Variants in RNF19B observed in about 807,000 individuals in gnomAD.
RNF19B encodes E3 ubiquitin-protein ligase RNF19B.
RNF19B carries 23 observed loss-of-function variants against 65.5 expected under a neutral mutation model. The observed-to-expected ratio is 0.35, with a 90% CI of 0.25 to 0.50. RNF19B has a LOEUF of 0.50. Among genes scored for constraint, RNF19B ranks in the 20% least tolerant of loss-of-function variants. RNF19B has a pLI of 0.98. For synonymous variants in RNF19B, 372 were observed against 379.6 expected, an observed-to-expected ratio of 0.98 and a Z score of 0.23; for missense variants, 794 against 980.0, an observed-to-expected ratio of 0.81 and a Z score of 2.53.
chr1:32,930,916 C>T, the RNF19B span, among the ~76,000 whole-genome samples: 1 of 152,074 alleles, frequency 6.6e-6, no homozygotes, highest in East Asian at 1.9e-4. Context: ...GGTGAAACCC[C>T]ACCTCTAGTA....
chr1:32,961,392 C>T (rs1445100275), intron 1 of RNF19B, among the ~76,000 whole-genome samples: 1 of 152,170 alleles, frequency 6.6e-6, no homozygotes, highest in African/African-American at 2.4e-5. Context: ...GGAATATTGG[C>T]ATTGGTTGGA....
intron 1 of RNF19B, among the ~76,000 whole-genome samples, chr1:32,951,841 A>AG (rs1642507273): frequency 6.6e-6 from 1 of 151,164 alleles, no homozygotes; most frequent in Non-Finnish European, 1.5e-5. Context: ...TATATCGCCC[A>AG]GGATGGAGCG....
At chr1:32,929,311 C>A in the RNF19B span, among the ~76,000 whole-genome samples, 1 of 152,190 alleles carries the variant, frequency 6.6e-6, no homozygotes, top group Non-Finnish European at 1.5e-5. Context: ...GGGGGCCACC[C>A]TATGCCAATA....
At position 32,938,450 on chromosome 1, in the gene RNF19B, T is replaced by C. The variant is rs139001538; in HGVS notation, c.1689A>G (p.Ala563=). The C allele has an allele frequency of 2.5e-5, 40 of 1,614,168 alleles. No individual in the cohort carries two copies. In the African/African-American group the frequency reaches 3.5e-4, roughly 14 times the overall value. The change falls in exon 8 of 9, where the codon GCA becomes GCG. Residue 563 remains alanine (A), a synonymous_variant. Coordinates refer to ENST00000235150, the MANE Select transcript of RNF19B (RefSeq NM_001300826.2). ...TGGAACCGGCCATAGCACGAGTGCT[T>C]GCGTTGTCACTAATTGCACCAAGAC... ...TASLGAISDN[A]STRAMAGSII... is the part of the protein sequence containing the mutation.
At chr1:32,930,755 G>A in the RNF19B span, among the ~76,000 whole-genome samples, 208 of 152,186 alleles carry the variant, frequency 1.4e-3, 2 homozygotes, top group African/African-American at 4.9e-3. Flanking sequence ...TCTCTGTATA[G>A]GCCACTTTTA....
Position 32,945,536 on chromosome 1 carries a change from T to G in RNF19B, c.1239A>C (p.Pro413=). Residue 413 remains proline (P), a synonymous_variant, in exon 5 of 9, where the codon CCA becomes CCC. Transcript: ENST00000235150. ...TACCAACACTAACTGCAGCAATAAC[T>G]GGGGATGCAATGACCGACAAAGTCA... ...GGVTLSVIAS[P]VIAAVSVGIG... is the part of the protein sequence containing the mutation. 1 of 1,612,216 alleles carries G rather than the reference T, an allele frequency of 6.2e-7. No homozygotes were observed. Among genetic ancestry groups the G allele is most frequent in the Non-Finnish European group, 8.5e-7 (1 of 1,178,346 alleles).
chr1:32,933,049 T>C (rs3845501), downstream of RNF19B, among the ~76,000 whole-genome samples: 91 of 152,334 alleles, frequency 6.0e-4, no homozygotes, highest in African/African-American at 2.1e-3. Flanking sequence ...CTGTCTTCCC[T>C]GTTTTTCTTC....
At position 32,949,593 on chromosome 1, in the gene RNF19B, T is replaced by G. The variant is rs747090109; in HGVS notation, c.817A>C (p.Ser273Arg). ...RVRTKHTSGL[S>R]YGQESGPDDI... The stretch of plus-strand genomic sequence containing the variant: ...CCTGGTCCAGATTCTTGCCCATAAC[T>G]GAGACCTGAAGTGTGTTTGGTCCGA... Residue 273 changes from serine to arginine, a missense_variant, in exon 2 of 9, where the codon AGT becomes CGT. Physicochemically the swap from Ser to Arg is moderately radical, Grantham distance 110. Transcript: ENST00000235150. The G allele has an allele frequency of 1.4e-5, 22 of 1,614,020 alleles. No homozygotes were observed. Among genetic ancestry groups the G allele is most frequent in the Non-Finnish European group, 1.7e-5 (20 of 1,179,986 alleles).
chr1:32,933,316 G>T (rs183722437), downstream of RNF19B, among the ~76,000 whole-genome samples: 1 of 151,604 alleles, frequency 6.6e-6, no homozygotes, highest in African/African-American at 2.4e-5. Flanking sequence ...GTGCAGTGGC[G>T]CAATCTCAGC....
chr1:32,944,305 G>T lies in RNF19B; in HGVS notation c.1262-146C>A, dbSNP rs1009629174. ...CCCAAAAAGGTGGCCTGGTGTAACA[G>T]AATGATGACCAGGCTAGAAATCAGA... is the stretch of plus-strand genomic sequence containing the variant. On this transcript the variant is annotated intron_variant, in intron 5 of 8. Transcript: ENST00000235150. The T allele has an allele frequency of 5.1e-6, 4 of 787,818 alleles. No homozygotes were observed. In the African/African-American group the frequency reaches 5.3e-5, roughly 10 times the overall value. The allele number at this position is 787,818 out of a possible 1,614,324, so 48.8% of individuals were successfully genotyped here.
At position 32,944,011 on chromosome 1, in the gene RNF19B, C is replaced by G; in HGVS notation, c.1402+8G>C. ...AATTCAAATGGAAATAAACATCCTGCTTTTTACCTGTGATTGGACCATCAT... is the reference window on the plus strand; with the variant it reads ...AATTCAAATGGAAATAAACATCCTGGTTTTTACCTGTGATTGGACCATCAT... On this transcript the variant is annotated splice_region_variant and intron_variant, in intron 6 of 8. Coordinates refer to ENST00000235150, the MANE Select transcript of RNF19B (RefSeq NM_001300826.2). The G allele has an allele frequency of 6.3e-7, 1 of 1,597,504 alleles. No homozygotes were observed. Among genetic ancestry groups the G allele is most frequent in the Non-Finnish European group, 8.6e-7 (1 of 1,169,358 alleles).
At chr1:32,946,921 G>A (rs1218495983) in intron 3 of RNF19B, among the ~76,000 whole-genome samples, 4 of 152,158 alleles carry the variant, frequency 2.6e-5, no homozygotes, top group Non-Finnish European at 5.9e-5. Context: ...CAGACACACT[G>A]CACCCTGCAC....
intron 1 of RNF19B, among the ~76,000 whole-genome samples, chr1:32,950,766 G>A (rs1434632002): frequency 4.0e-5 from 6 of 151,852 alleles, no homozygotes; most frequent in Non-Finnish European, 2.9e-5. Flanking sequence ...CAAACTTCCG[G>A]GCTCAATCAA....
At chr1:32,950,714 T>A (rs1053059616) in intron 1 of RNF19B, among the ~76,000 whole-genome samples, 1 of 152,024 alleles carries the variant, frequency 6.6e-6, no homozygotes, top group Admixed American at 6.6e-5. Flanking sequence ...TTTTTGTAAT[T>A]TGCATAGAGA....
chr1:32,942,209 T>G, intron 7 of RNF19B, 43 bp downstream of exon 7: 1 of 1,516,100 alleles, frequency 6.6e-7, no homozygotes, highest in East Asian at 2.3e-5. Flanking sequence ...TGTTACTTCT[T>G]ATAATTCTAA....
At chr1:32,956,053 A>C (rs968914817) in intron 1 of RNF19B, among the ~76,000 whole-genome samples, 5 of 152,112 alleles carry the variant, frequency 3.3e-5, no homozygotes, top group Admixed American at 6.6e-5. Context: ...AACATGGTGA[A>C]ATCCCATCTC....
chr1:32,938,727 T>G (rs1373778071), intron 7 of RNF19B, among the ~76,000 whole-genome samples, 199 bp from the exon 8 acceptor site: 1 of 152,158 alleles, frequency 6.6e-6, no homozygotes, highest in African/African-American at 2.4e-5. Context: ...CTCCTTTCTA[T>G]CCCCACAGCT....
chr1:32,950,488 CGAAG>C (rs1162325806), intron 1 of RNF19B, among the ~76,000 whole-genome samples: 3 of 151,816 alleles, frequency 2.0e-5, no homozygotes, highest in Non-Finnish European at 2.9e-5. Flanking sequence ...TTTGTTTATA[CGAAG>C]GAAGAGGACA....
chr1:32,959,572 A>T (rs551120693), intron 1 of RNF19B, among the ~76,000 whole-genome samples: 1 of 152,306 alleles, frequency 6.6e-6, no homozygotes, highest in South Asian at 2.1e-4. Flanking sequence ...TATAAAATGC[A>T]CGCCAATATC....
Sources: allele counts gnomAD v4.1 joint callset (sites outside exome capture counted in the v4.1 genomes callset), GRCh38; gene constraint gnomAD v4.1.1; transcripts MANE v1.5; gene names NCBI Gene and HGNC (gene_info 2026-07-23, HGNC 2026-07-21).